Variants in ABCC1 observed in about 807,000 individuals in gnomAD.
ABCC1 encodes the protein ATP binding cassette subfamily C member 1 (ABCC1 blood group).
A neutral mutation model predicts 172.9 loss-of-function variants in ABCC1; 83 were observed. That is an observed-to-expected ratio of 0.48 (90% CI 0.40 to 0.58). The LOEUF (loss-of-function observed/expected upper bound fraction) is 0.58, where lower values mean the gene tolerates loss of function less well. Among genes scored for constraint, ABCC1 ranks in the 20% least tolerant of loss-of-function variants. ABCC1 has a pLI of 0.00. For synonymous variants in ABCC1, 937 were observed against 825.2 expected (o/e 1.14, Z -2.32); for missense variants, 1,817 against 2,002.7 (o/e 0.91, Z 1.77).
chr16:15,978,050 G>A (rs1460300567), intron 1 of ABCC1, among the ~76,000 whole-genome samples: 1 of 151,660 alleles, frequency 6.6e-6, no homozygotes, highest in African/African-American at 2.4e-5. Context: ...TAATATATAA[G>A]TCTCGTCTTC....
At chr16:16,098,830 C>T (rs746550889) in intron 19 of ABCC1, 26 of 1,350,640 alleles carry the variant, frequency 1.9e-5, no homozygotes, top group Middle Eastern at 2.1e-4. Flanking sequence ...GCGGGAGTTT[C>T]GCTTTGCTTC....
At position 16,083,389 on chromosome 16, in the gene ABCC1, G is replaced by A. The variant is rs746058119; in HGVS notation, c.2139G>A (p.Gln713=). Residue 713 remains glutamine, a synonymous_variant, in exon 17 of 31, where the codon CAG becomes CAA. Transcript: ENST00000399410. ...AIKGSVAYVP[Q]QAWIQNDSLR... Reference sequence around the variant, plus strand: ...AGGGCTCCGTGGCCTATGTGCCACAGCAGGCCTGGATTCAGAATGATTCTC... The same window carrying A: ...AGGGCTCCGTGGCCTATGTGCCACAACAGGCCTGGATTCAGAATGATTCTC... 6 of 1,613,654 alleles carry A rather than the reference G, an allele frequency of 3.7e-6. No homozygotes were observed. The highest frequency in any genetic ancestry group is 4.2e-6 in the Non-Finnish European group (5 of 1,180,028).
chr16:16,039,975 A>G (rs978172600), intron 7 of ABCC1, among the ~76,000 whole-genome samples: 1 of 152,072 alleles, frequency 6.6e-6, no homozygotes, highest in African/African-American at 2.4e-5. Context: ...TCTGAGAGTT[A>G]AGGTGGGATT....
chr16:15,991,295 G>A (rs1394766662), intron 1 of ABCC1, among the ~76,000 whole-genome samples: 1 of 151,918 alleles, frequency 6.6e-6, no homozygotes, highest in Non-Finnish European at 1.5e-5. Flanking sequence ...GGTGGGGTGC[G>A]GGGGGCTATG....
At position 16,102,659 on chromosome 16, in the gene ABCC1, G is replaced by T. The variant is rs1260186456; in HGVS notation, c.2677G>T (p.Ala893Ser). Residue 893 changes from alanine (A) to serine (S), a missense_variant, in exon 20 of 31, where the codon GCA (alanine) becomes TCA (serine). By Grantham distance (99) the Ala-to-Ser change is moderately conservative. Coordinates refer to ENST00000399410, the MANE Select transcript of ABCC1 (RefSeq NM_004996.4). ...VTGVSGPGKE[A>S]KQMENGMLVT... The stretch of plus-strand genomic sequence containing the variant: ...GGGCGTCAGCGGTCCAGGGAAGGAA[G>T]CAAAGCAAATGGAGAATGGCATGCT... 3.1e-6 allele frequency: 5 copies of T among 1,591,834 alleles called. No individual in the cohort carries two copies. In the South Asian group the frequency reaches 5.7e-5, roughly 18 times the overall value.
chr16:16,092,711 C>A (rs538842566), intron 19 of ABCC1, among the ~76,000 whole-genome samples: 2 of 152,092 alleles, frequency 1.3e-5, no homozygotes, highest in African/African-American at 2.4e-5. Flanking sequence ...AGTTGGTGGC[C>A]GGGTGTGGTG....
intron 1 of ABCC1, among the ~76,000 whole-genome samples, chr16:15,965,786 G>C (rs1248939516): frequency 6.6e-6 from 1 of 151,352 alleles, no homozygotes; most frequent in African/African-American, 2.4e-5. Context: ...CAGTAGAGAT[G>C]GGGTTTCACC....
At chr16:16,010,572 A>G (rs1041434083) in intron 3 of ABCC1, among the ~76,000 whole-genome samples, 2 of 152,156 alleles carry the variant, frequency 1.3e-5, no homozygotes, top group Non-Finnish European at 2.9e-5. Context: ...GCTAAATAGG[A>G]AACTGCTCTG....
chr16:16,025,220 G>A (rs1431528774), intron 5 of ABCC1, among the ~76,000 whole-genome samples: 1 of 151,958 alleles, frequency 6.6e-6, no homozygotes, highest in Non-Finnish European at 1.5e-5. Context: ...ATAACAGCTG[G>A]GTGCACTGTA....
intron 1 of ABCC1, among the ~76,000 whole-genome samples, chr16:15,969,184 A>G (rs575968864): frequency 6.6e-6 from 1 of 152,316 alleles, no homozygotes; most frequent in South Asian, 2.1e-4. Context: ...AGCCTGGGCA[A>G]CAGAGCAAGA....
At position 16,036,517 on chromosome 16, in the gene ABCC1, C is replaced by T. The variant is rs1033419539; in HGVS notation, c.723C>T (p.Leu241=). ...GCCAGCCCCTGGAGGGCAGTGACCTCTGGTCCTTAAACAAGGAGGACACGT... is the reference window on the plus strand; with the variant it reads ...GCCAGCCCCTGGAGGGCAGTGACCTTTGGTCCTTAAACAAGGAGGACACGT... ...GYRQPLEGSD[L]WSLNKEDTSE... Residue 241 remains leucine (L), a synonymous_variant, in exon 7 of 31, where the codon CTC becomes CTT. Coordinates refer to ENST00000399410, the MANE Select transcript of ABCC1 (RefSeq NM_004996.4). The T allele has an allele frequency of 6.2e-7, 1 of 1,614,142 alleles. No individual in the cohort carries two copies. Among genetic ancestry groups the T allele is most frequent in the Admixed American group, 1.7e-5 (1 of 60,014 alleles).
chr16:15,962,154 A>T (rs950018507), intron 1 of ABCC1, among the ~76,000 whole-genome samples: 1 of 152,248 alleles, frequency 6.6e-6, no homozygotes, highest in African/African-American at 2.4e-5. Context: ...GCTGTGTGTG[A>T]GAGGGCTTTG....
At chr16:16,069,162 T>A (rs1283181620) in intron 13 of ABCC1, among the ~76,000 whole-genome samples, 82 of 135,938 alleles carry the variant, frequency 6.0e-4, no homozygotes, top group African/African-American at 2.1e-3. Flanking sequence ...TAAAATAAAA[T>A]AAAATAAAAA....
rs745816280 is a variant in ABCC1, at chr16:16,106,880, T to A, written c.2871+7T>A. On this transcript the variant is annotated splice_region_variant and intron_variant, in intron 21 of 30. Transcript: ENST00000399410. ...CAAGGCGCAGACAGGGCAGGTGAGA[T>A]TCGCTCCTTAAGTGATGACAGTGGC... The A allele has an allele frequency of 2.5e-6, 4 of 1,613,966 alleles. No individual in the cohort carries two copies. The South Asian group carries it at 3.3e-5, about 13-fold the overall frequency.
intron 5 of ABCC1, among the ~76,000 whole-genome samples, chr16:16,024,802 A>C (rs1007398047): frequency 6.6e-6 from 1 of 152,144 alleles, no homozygotes; most frequent in African/African-American, 2.4e-5. Flanking sequence ...GGTCGGTGGC[A>C]CTTAAAAAGC....
intron 29 of ABCC1, among the ~76,000 whole-genome samples, chr16:16,137,429 C>CT (rs1410703479): frequency 6.6e-6 from 1 of 150,796 alleles, no homozygotes; most frequent in Non-Finnish European, 1.5e-5. Context: ...TAACAGTATT[C>CT]TTTTGGCTGT....
intron 7 of ABCC1, among the ~76,000 whole-genome samples, chr16:16,039,958 G>T (rs970776962): frequency 6.6e-6 from 1 of 152,086 alleles, no homozygotes; most frequent in Non-Finnish European, 1.5e-5. Context: ...GATTTGCAGG[G>T]GTCTCCTCTG....
chr16:16,120,025 T>A (rs2045081609), intron 23 of ABCC1, among the ~76,000 whole-genome samples: 1 of 152,096 alleles, frequency 6.6e-6, no homozygotes, highest in Non-Finnish European at 1.5e-5. Context: ...GTGCGGTACC[T>A]GGGTTCACTT....
intron 12 of ABCC1, among the ~76,000 whole-genome samples, chr16:16,067,308 C>T (rs950098764): frequency 1.3e-5 from 2 of 152,178 alleles, no homozygotes; most frequent in Non-Finnish European, 2.9e-5. Context: ...TCAGCGTCAT[C>T]TGTCTTGTTA....
Sources: allele counts gnomAD v4.1 joint callset (sites outside exome capture counted in the v4.1 genomes callset), GRCh38; gene constraint gnomAD v4.1.1; transcripts MANE v1.5; gene names NCBI Gene and HGNC (gene_info 2026-07-23, HGNC 2026-07-21).